The following CLOCK variants were observed in gnomAD, a reference collection of about 807,000 sequenced individuals.
The protein encoded by CLOCK is circadian locomoter output cycles protein kaput.
A neutral mutation model predicts 118.4 loss-of-function variants in CLOCK; 43 were observed. The ratio of observed to expected loss-of-function variants is 0.36; its 90% confidence interval spans 0.28 to 0.47. CLOCK has a LOEUF of 0.47. CLOCK is among the 20% of genes least tolerant of loss of function. The pLI is 1.00. For missense variants in CLOCK, 846 were observed against 999.9 expected (o/e 0.85, Z 2.08); for synonymous variants, 326 against 339.2 (o/e 0.96, Z 0.43).
chr4:55,532,845 T>TA (rs1274438401), intron 1 of CLOCK, among the ~76,000 whole-genome samples: 2 of 151,726 alleles, frequency 1.3e-5, no homozygotes, highest in East Asian at 1.9e-4. Context: ...CCTATCTCTT[T>TA]AAACAAAGAA....
Position 55,453,775 on chromosome 4 carries a change from C to A in CLOCK, c.1032G>T (p.Lys344Asn). Residue 344 changes from lysine to asparagine, a missense_variant, in exon 14 of 23, where the codon AAG (lysine) becomes AAT (asparagine). Lys to Asn is a moderately conservative substitution (Grantham distance 94). Coordinates refer to ENST00000513440, the MANE Select transcript of CLOCK (RefSeq NM_004898.4). Reference sequence around the variant, plus strand: ...TCTGAAGCCAAATCCACTGTTGCCCCTTAGTCAGGAACCTATAATAACATG... The same window carrying A: ...TCTGAAGCCAAATCCACTGTTGCCCATTAGTCAGGAACCTATAATAACATG... ...GKSCYYRFLT[K>N]GQQWIWLQTH... 6.2e-7 allele frequency: 1 copy of A among 1,609,884 alleles called. No individual in the cohort carries two copies. The highest frequency in any genetic ancestry group is 1.1e-5 in the South Asian group (1 of 90,154).
At chr4:55,451,399 C>T (rs930089694) in intron 15 of CLOCK, among the ~76,000 whole-genome samples, 1 of 152,142 alleles carries the variant, frequency 6.6e-6, no homozygotes, top group Admixed American at 6.5e-5. Flanking sequence ...TATTACCCCC[C>T]TGTTGTTGAT....
intron 1 of CLOCK, among the ~76,000 whole-genome samples, chr4:55,512,344 T>A (rs1455591903): frequency 6.6e-6 from 1 of 151,956 alleles, no homozygotes; most frequent in Non-Finnish European, 1.5e-5. Context: ...ATATAGTGCA[T>A]CTTTTCACAT....
intron 15 of CLOCK, 123 bp from the exon 16 acceptor site, chr4:55,450,355 T>G (rs1724320417): frequency 9.5e-7 from 1 of 1,047,268 alleles, no homozygotes; most frequent in South Asian, 1.3e-5. Flanking sequence ...AGTACCTGTA[T>G]GTACATACAC....
At chr4:55,526,705 T>A (rs892699450) in intron 1 of CLOCK, among the ~76,000 whole-genome samples, 1 of 151,762 alleles carries the variant, frequency 6.6e-6, no homozygotes, top group Admixed American at 6.6e-5. Flanking sequence ...TCCCAGCACT[T>A]TGGGAGGTCG....
At position 55,546,880 on chromosome 4, in the gene CLOCK, G is replaced by C. The variant is rs552117439; in HGVS notation, c.-388C>G. ...GCAGCCGCAAGCCGAGTCCGTGATT[G>C]CGCCCCCTCCCGGCGCATGCGTCGT... On this transcript the variant is annotated 5_prime_UTR_variant, in exon 1 of 23. Transcript: ENST00000513440. The C allele has an allele frequency of 6.6e-6, 1 of 152,196 alleles. No homozygotes were observed. Among genetic ancestry groups the C allele is most frequent in the Non-Finnish European group, 1.5e-5 (1 of 68,024 alleles). The allele number at this position is 152,196 out of a possible 1,614,324, so 9.4% of individuals were successfully genotyped here.
chr4:55,435,696 A>C lies in CLOCK; in HGVS notation c.2362-102T>G. 10 of 1,152,246 alleles carry C rather than the reference A, an allele frequency of 8.7e-6. No homozygotes were observed. In the South Asian group the frequency reaches 1.3e-4, roughly 15 times the overall value. The allele number at this position is 1,152,246 out of a possible 1,614,324, so 71.4% of individuals were successfully genotyped here. On this transcript the variant is annotated intron_variant, in intron 22 of 22. Transcript: ENST00000513440. ...CTGTCCATAGGGACAAAATCCTTAA[A>C]ATTCTACATAATGCATATCACTTTC...
chr4:55,454,239 T>C (rs916362536), intron 13 of CLOCK, among the ~76,000 whole-genome samples: 7 of 152,204 alleles, frequency 4.6e-5, no homozygotes, highest in African/African-American at 1.7e-4. Context: ...TAACTGAGTC[T>C]GAAGTAACTG....
At chr4:55,545,849 C>A (rs1483284144) in intron 1 of CLOCK, 3 of 152,272 alleles carry the variant, frequency 2.0e-5, no homozygotes, top group African/African-American at 7.2e-5. Flanking sequence ...TGACGGGGAA[C>A]GGGAAGCGCG....
chr4:55,491,234 T>TAAAAAAAAAAAAAAAA (rs34441416), intron 2 of CLOCK, among the ~76,000 whole-genome samples: 1 of 44,342 alleles, frequency 2.3e-5, no homozygotes. Flanking sequence ...GCAGGTGTGC[T>TAAAAAAAAAAAAAAAA]AAAAAAAAAA....
chr4:55,506,072 T>C (rs1350969319), intron 2 of CLOCK, among the ~76,000 whole-genome samples: 1 of 152,196 alleles, frequency 6.6e-6, no homozygotes, highest in Non-Finnish European at 1.5e-5. Flanking sequence ...TCTCTCTTTT[T>C]TTGTTTTAGT....
At chr4:55,493,339 A>C (rs1262448231) in intron 2 of CLOCK, among the ~76,000 whole-genome samples, 1 of 152,206 alleles carries the variant, frequency 6.6e-6, no homozygotes, top group South Asian at 2.1e-4. Flanking sequence ...TGACCCACTG[A>C]CCTACTTTGG....
At chr4:55,440,380 CTTCTTTGTGGAACAATATTAT>C (rs1370683664) in intron 21 of CLOCK, among the ~76,000 whole-genome samples, 1 of 152,126 alleles carries the variant, frequency 6.6e-6, no homozygotes, top group African/African-American at 2.4e-5. Context: ...AAAAATGATG[CTTCTTTGTGGAACAATATTAT>C]TTCCATTTGC....
chr4:55,539,524 G>A (rs757906483), intron 1 of CLOCK, among the ~76,000 whole-genome samples: 10 of 120,026 alleles, frequency 8.3e-5, no homozygotes, highest in Non-Finnish European at 1.6e-4. Flanking sequence ...AGTGAGCCAT[G>A]TTCACACCAC....
intron 2 of CLOCK, among the ~76,000 whole-genome samples, chr4:55,501,936 A>G (rs1395971957): frequency 1.3e-5 from 2 of 152,188 alleles, no homozygotes; most frequent in Admixed American, 1.3e-4. Context: ...ACAGTCCAGT[A>G]TATTTGTATA....
intron 2 of CLOCK, among the ~76,000 whole-genome samples, chr4:55,492,432 T>C (rs1000330241): frequency 1.3e-5 from 2 of 152,052 alleles, no homozygotes; most frequent in African/African-American, 4.8e-5. Context: ...AATTTCTCTT[T>C]CTTAAAAAAT....
intron 2 of CLOCK, among the ~76,000 whole-genome samples, chr4:55,503,314 A>G (rs1194625168): frequency 6.6e-6 from 1 of 152,242 alleles, no homozygotes; most frequent in East Asian, 1.9e-4. Context: ...CAACAACAGA[A>G]AAGATGAACC....
At chr4:55,515,035 G>T (rs1323107809) in intron 1 of CLOCK, among the ~76,000 whole-genome samples, 4 of 152,140 alleles carry the variant, frequency 2.6e-5, no homozygotes, top group African/African-American at 9.7e-5. Context: ...TATCTTAAAA[G>T]ATTATAAATA....
chr4:55,452,992 T>A, intron 15 of CLOCK, 62 bp downstream of exon 15: 1 of 1,151,412 alleles, frequency 8.7e-7, no homozygotes, highest in Non-Finnish European at 1.3e-6. Flanking sequence ...TATTAATTAT[T>A]GAGTTTCATC....
Sources: allele counts gnomAD v4.1 joint callset (sites outside exome capture counted in the v4.1 genomes callset), GRCh38; gene constraint gnomAD v4.1.1; transcripts MANE v1.5; gene names NCBI Gene and HGNC (gene_info 2026-07-23, HGNC 2026-07-21).